Variants in HIVEP3 observed in about 807,000 individuals in gnomAD.
HIVEP3 encodes the protein HIVEP zinc finger 3, also known as transcription factor HIVEP3.
Under a neutral mutation model 152.8 loss-of-function variants are expected in HIVEP3, and 49 were observed. The observed-to-expected ratio is 0.32, with a 90% confidence interval of 0.26 to 0.41. The LOEUF is 0.41. Among genes scored for constraint, HIVEP3 ranks in the 10% least tolerant of loss-of-function variants. The probability of loss-of-function intolerance (pLI) is 1.00; values close to 1 mark genes in which losing one functional copy is unlikely to be tolerated. For missense variants in HIVEP3, 2,790 were observed against 3,103.3 expected (o/e 0.90, Z 2.40); for synonymous variants, 1,269 against 1,289.0 (o/e 0.98, Z 0.33).
chr1:41,930,535 T>C (rs1343849101), intron 1 of HIVEP3, among the ~76,000 whole-genome samples: 1 of 152,172 alleles, frequency 6.6e-6, no homozygotes, highest in Non-Finnish European at 1.5e-5. Context: ...ATCTCAGTTG[T>C]GTCCAGTTTG....
chr1:41,509,137 C>T lies in HIVEP3; in HGVS notation c.*1314G>A, dbSNP rs1489637168. The stretch of plus-strand genomic sequence containing the variant: ...CTCACACTGATTGCTTTGGAGAATT[C>T]CAACGAGTTAGGACAATTCAAAAAT... On this transcript the variant is annotated 3_prime_UTR_variant, in exon 9 of 9. Transcript: ENST00000372583. The T allele has an allele frequency of 2.0e-5, 3 of 152,148 alleles. No homozygotes were observed. Among genetic ancestry groups the T allele is most frequent in the African/African-American group, 4.8e-5 (2 of 41,422 alleles). 9.4% of individuals were successfully genotyped at this position (152,148 alleles called of 1,614,324 possible).
intron 1 of HIVEP3, among the ~76,000 whole-genome samples, chr1:41,926,850 G>T (rs1392892978): frequency 6.6e-6 from 1 of 152,160 alleles, no homozygotes; most frequent in Non-Finnish European, 1.5e-5. Flanking sequence ...GGAAAATATG[G>T]ATGCTTCCAA....
chr1:41,763,990 TCATCA>T (rs879557422), intron 1 of HIVEP3, among the ~76,000 whole-genome samples: 242 of 152,104 alleles, frequency 1.6e-3, no homozygotes, highest in Middle Eastern at 6.8e-3. Flanking sequence ...CCAGCAGAGG[TCATCA>T]CATAAGCAAA....
Position 41,581,738 on chromosome 1 carries a change from C to T in HIVEP3, c.3060G>A (p.Leu1020=), listed in dbSNP as rs754037377. Residue 1020 remains leucine, a synonymous_variant, in exon 4 of 9, where the codon TTG becomes TTA. Transcript: ENST00000372583. This position sits in a 1 kb window ranked among gnomAD's most constrained non-coding sequence, Gnocchi z 4.5. ...SKSFDYGSLS[L]TGPSAPAPVA... The stretch of plus-strand genomic sequence containing the variant: ...CTGGGGCTGGAGCAGAAGGGCCTGT[C>T]AAGGACAAGCTGCCATAGTCAAAGG... 6.8e-6 allele frequency: 11 copies of T among 1,606,962 alleles called. No individual in the cohort carries two copies. Among genetic ancestry groups the T allele is most frequent in the Non-Finnish European group, 9.3e-6 (11 of 1,177,224 alleles).
At chr1:41,938,660 A>G (rs1645031567) in intron 1 of HIVEP3, among the ~76,000 whole-genome samples, 2 of 152,256 alleles carry the variant, frequency 1.3e-5, no homozygotes, top group African/African-American at 4.8e-5. Flanking sequence ...GCAAATGGTC[A>G]GAGATACAAA....
In HIVEP3 at chr1:41,582,326, A is replaced by C; in HGVS notation, c.2472T>G (p.Pro824=). Residue 824 remains proline, a synonymous_variant, in exon 4 of 9, where the codon CCT becomes CCG. Coordinates refer to ENST00000372583, the MANE Select transcript of HIVEP3 (RefSeq NM_024503.5). The surrounding 1 kb of genome is among the most constrained non-coding windows in gnomAD (Gnocchi z 4.7). The stretch of plus-strand genomic sequence containing the variant: ...GTGGGGGTGATGGGAACTGGGCCAG[A>C]GGTTTGTCTTCCCCTTCCAAGCCAC... The part of the protein sequence containing the change: ...QPSGLEGEDK[P]LAQFPSPPPA... 1 of 1,613,962 alleles carries C rather than the reference A, an allele frequency of 6.2e-7. No individual in the cohort carries two copies. The highest frequency in any genetic ancestry group is 8.5e-7 in the Non-Finnish European group (1 of 1,179,962).
At chr1:41,537,705 C>T (rs1643433317) in intron 5 of HIVEP3, among the ~76,000 whole-genome samples, 1 of 152,210 alleles carries the variant, frequency 6.6e-6, no homozygotes, top group African/African-American at 2.4e-5. Flanking sequence ...CCATGTGGGT[C>T]ATGGGGAAAG....
chr1:41,828,197 CT>C (rs1642857808), intron 1 of HIVEP3, among the ~76,000 whole-genome samples: 1 of 152,106 alleles, frequency 6.6e-6, no homozygotes, highest in African/African-American at 2.4e-5. Context: ...TTAGAGGGTC[CT>C]TGCAAGGTCA....
intron 2 of HIVEP3, among the ~76,000 whole-genome samples, chr1:41,700,699 T>C (rs1646348943): frequency 6.6e-6 from 1 of 152,218 alleles, no homozygotes; most frequent in South Asian, 2.1e-4. Context: ...CCCAGGACTC[T>C]CCCATCACCA....
chr1:41,997,133 G>A (rs555914528), intron 1 of HIVEP3, among the ~76,000 whole-genome samples: 51 of 152,304 alleles, frequency 3.3e-4, no homozygotes, highest in African/African-American at 1.2e-3. Context: ...GCAGGGGGAG[G>A]GAACATTATT....
intron 3 of HIVEP3, among the ~76,000 whole-genome samples, chr1:41,603,906 G>A (rs539268990): frequency 6.4e-4 from 98 of 152,256 alleles, no homozygotes; most frequent in African/African-American, 1.8e-3. Context: ...TATTCTATCC[G>A]TTATTAAAAG....
intron 3 of HIVEP3, 41 bp downstream of exon 3, chr1:41,628,708 G>T: frequency 1.7e-6 from 2 of 1,211,540 alleles, no homozygotes; most frequent in Non-Finnish European, 2.1e-6. Context: ...GACCAACATG[G>T]CGCCTGGCAA....
intron 1 of HIVEP3, among the ~76,000 whole-genome samples, chr1:41,904,884 G>A (rs1026857691): frequency 3.0e-4 from 45 of 152,290 alleles, no homozygotes; most frequent in African/African-American, 1.0e-3. Context: ...CCATCCACAA[G>A]GGTCCTTGGC....
intron 1 of HIVEP3, among the ~76,000 whole-genome samples, chr1:41,717,259 C>G (rs1174322351): frequency 6.6e-6 from 1 of 152,230 alleles, no homozygotes; most frequent in East Asian, 1.9e-4. Context: ...TTCCCTTATT[C>G]CCTCCAACCA....
intron 1 of HIVEP3, among the ~76,000 whole-genome samples, chr1:41,834,641 G>A (rs1421781733): frequency 6.6e-6 from 1 of 152,112 alleles, no homozygotes; most frequent in Admixed American, 6.5e-5. Flanking sequence ...TATTTATTGA[G>A]CACCTACTCA....
chr1:41,880,260 C>T (rs780554436), intron 1 of HIVEP3, among the ~76,000 whole-genome samples: 5 of 151,992 alleles, frequency 3.3e-5, no homozygotes, highest in Admixed American at 2.6e-4. Context: ...AGGCTGGTCC[C>T]GAACTCCTAG....
At chr1:41,815,197 AG>A (rs1407091492) in intron 1 of HIVEP3, among the ~76,000 whole-genome samples, 2 of 152,220 alleles carry the variant, frequency 1.3e-5, no homozygotes, top group Non-Finnish European at 2.9e-5. Context: ...GAAGGGGGTC[AG>A]GTGCAGTGGC....
chr1:41,766,943 C>T (rs1648048553), intron 1 of HIVEP3, among the ~76,000 whole-genome samples: 2 of 152,220 alleles, frequency 1.3e-5, no homozygotes, highest in African/African-American at 4.8e-5. Context: ...GGAGGAAAGA[C>T]TCCCCAAAAT....
At chr1:41,914,784 T>G (rs928639011) in intron 1 of HIVEP3, among the ~76,000 whole-genome samples, 2 of 152,192 alleles carry the variant, frequency 1.3e-5, no homozygotes, top group Non-Finnish European at 2.9e-5. Flanking sequence ...AAGAAACAGA[T>G]AGCAGTAGGG....
Sources: allele counts gnomAD v4.1 joint callset (sites outside exome capture counted in the v4.1 genomes callset), GRCh38; gene constraint gnomAD v4.1.1; non-coding constraint Gnocchi (gnomAD v3.1); transcripts MANE v1.5; gene names NCBI Gene and HGNC (gene_info 2026-07-23, HGNC 2026-07-21).